The following SLC9C1 variants were observed in gnomAD, a reference collection of about 807,000 sequenced individuals.
The protein encoded by SLC9C1 is sodium/hydrogen exchanger 10.
Under a neutral mutation model 140.9 loss-of-function variants are expected in SLC9C1, and 97 were observed. The ratio of observed to expected loss-of-function variants is 0.69; its 90% CI spans 0.58 to 0.82. SLC9C1 has a LOEUF of 0.82. Ranked by LOEUF, SLC9C1 falls within the 40% of genes least tolerant of loss-of-function variation. The pLI is 0.00. For synonymous variants in SLC9C1, 440 were observed against 442.6 expected (o/e 0.99, Z 0.07); for missense variants, 1,340 against 1,389.3 (o/e 0.96, Z 0.56).
chr3:112,237,921 G>GACA (rs2079035544), intron 12 of SLC9C1, among the ~76,000 whole-genome samples: 1 of 152,022 alleles, frequency 6.6e-6, no homozygotes, highest in African/African-American at 2.4e-5. Context: ...CGGTGAATCT[G>GACA]ACAATTATGT....
At chr3:112,149,378 C>T (rs1030478309) in intron 28 of SLC9C1, among the ~76,000 whole-genome samples, 8 of 151,108 alleles carry the variant, frequency 5.3e-5, no homozygotes, top group Non-Finnish European at 1.0e-4. Context: ...AGGATCTCTG[C>T]ACAGAAAGGA....
chr3:112,169,093 A>T (rs753557816), intron 24 of SLC9C1, 31 bp from the exon 25 acceptor site: 91 of 1,575,272 alleles, frequency 5.8e-5, no homozygotes, highest in Middle Eastern at 3.4e-4. Flanking sequence ...TCAGTCTATT[A>T]TTAGTCTATG....
chr3:112,241,230 T>C, intron 11 of SLC9C1, among the ~76,000 whole-genome samples: 1 of 152,216 alleles, frequency 6.6e-6, no homozygotes, highest in East Asian at 1.9e-4. Context: ...ATGGATATCC[T>C]ATTCCCTATG....
At chr3:112,232,341 G>C (rs1182547812) in intron 12 of SLC9C1, among the ~76,000 whole-genome samples, 1 of 152,128 alleles carries the variant, frequency 6.6e-6, no homozygotes, top group African/African-American at 2.4e-5. Context: ...CAGAGAGTAG[G>C]TGAAAACTCA....
intron 7 of SLC9C1, among the ~76,000 whole-genome samples, chr3:112,267,574 T>TTA (rs2079954473): frequency 2.1e-4 from 1 of 4,704 alleles, no homozygotes; most frequent in Non-Finnish European, 4.6e-4. Flanking sequence ...AGACTCCGTC[T>TTA]CAAAAAAAAA....
At position 112,199,320 on chromosome 3, in the gene SLC9C1, C is replaced by A. The variant is rs775726158; in HGVS notation, c.2523+1G>T. 1 of 1,559,530 alleles carries A rather than the reference C, an allele frequency of 6.4e-7. No individual in the cohort carries two copies. Among genetic ancestry groups the A allele is most frequent in the South Asian group, 1.3e-5 (1 of 78,536 alleles). Reference sequence around the variant, plus strand: ...CTTGCTTTGAAAATATTTTGCCTTACCTTATTAATTCCAGCACCTTCAGTT... The same window carrying A: ...CTTGCTTTGAAAATATTTTGCCTTAACTTATTAATTCCAGCACCTTCAGTT... On this transcript the variant is annotated splice_donor_variant, in intron 20 of 28. Transcript: ENST00000305815. LOFTEE classifies it high-confidence loss of function.
chr3:112,237,745 G>T (rs1408603019), intron 12 of SLC9C1, among the ~76,000 whole-genome samples: 3 of 152,132 alleles, frequency 2.0e-5, no homozygotes, highest in African/African-American at 7.2e-5. Flanking sequence ...TCAAATTCTG[G>T]GTTGAAAATT....
chr3:112,200,529 C>T (rs976787857), intron 19 of SLC9C1, among the ~76,000 whole-genome samples, 182 bp downstream of exon 19: 13 of 151,962 alleles, frequency 8.6e-5, no homozygotes, highest in Non-Finnish European at 1.9e-4. Flanking sequence ...AAGTGTGAAG[C>T]GATATTACAC....
At chr3:112,159,396 T>C (rs1441520673) in intron 26 of SLC9C1, among the ~76,000 whole-genome samples, 1 of 152,076 alleles carries the variant, frequency 6.6e-6, no homozygotes, top group Non-Finnish European at 1.5e-5. Context: ...GATTGATTTC[T>C]AGTTTTATCC....
At chr3:112,236,583 C>T (rs1280419152) in intron 12 of SLC9C1, among the ~76,000 whole-genome samples, 1 of 137,190 alleles carries the variant, frequency 7.3e-6, no homozygotes, top group African/African-American at 2.7e-5. Context: ...TTAGATCTTT[C>T]CTGCTTTCTC....
intron 20 of SLC9C1, among the ~76,000 whole-genome samples, chr3:112,185,273 C>T (rs368439104): frequency 1.0e-3 from 150 of 150,304 alleles, no homozygotes; most frequent in Admixed American, 2.9e-3. Flanking sequence ...ATAATCATAT[C>T]ACAGGGGTAT....
intron 17 of SLC9C1, 99 bp from the exon 18 acceptor site, chr3:112,202,498 T>C: frequency 8.0e-7 from 1 of 1,249,422 alleles, no homozygotes; most frequent in Non-Finnish European, 1.1e-6. Flanking sequence ...AGAAATTAAG[T>C]GCCCTCAAAG....
At chr3:112,196,466 A>G (rs191703160) in intron 20 of SLC9C1, among the ~76,000 whole-genome samples, 127 of 152,074 alleles carry the variant, frequency 8.4e-4, no homozygotes, top group South Asian at 2.3e-3. Flanking sequence ...TTATTTTCTC[A>G]AATATTGTCT....
chr3:112,208,401 G>C (rs1175682856), intron 15 of SLC9C1, 28 bp from the exon 16 acceptor site: 1 of 1,411,892 alleles, frequency 7.1e-7, no homozygotes, highest in Non-Finnish European at 9.6e-7. Flanking sequence ...AGTTTTATCT[G>C]ATAAAAGGTT....
At chr3:112,189,297 C>G (rs1488115612) in intron 20 of SLC9C1, among the ~76,000 whole-genome samples, 1 of 152,160 alleles carries the variant, frequency 6.6e-6, no homozygotes, top group Non-Finnish European at 1.5e-5. Context: ...GTCATGAAGT[C>G]CTTGCCCATG....
At chr3:112,266,959 A>T (rs943586221) in intron 7 of SLC9C1, among the ~76,000 whole-genome samples, 1 of 152,170 alleles carries the variant, frequency 6.6e-6, no homozygotes, top group Admixed American at 6.6e-5. Context: ...CTCACACATT[A>T]ATTTCTCTAG....
In SLC9C1 at chr3:112,280,747, G is replaced by T; in HGVS notation, c.125C>A (p.Pro42His). 2 of 1,612,074 alleles carry T rather than the reference G, an allele frequency of 1.2e-6. No individual in the cohort carries two copies. Among genetic ancestry groups the T allele is most frequent in the South Asian group, 2.2e-5 (2 of 90,396 alleles). ...AAGTAAAAATAATATCACAGGGACA[G>T]GAATTGGAAAGTCTTCCAAGTGCCG... ...LNRHLEDFPI[P>H]VPVILFLLGC... The change falls in exon 3 of 29, where the codon CCT (proline) becomes CAT (histidine). Residue 42 changes from proline to histidine, a missense_variant. By Grantham distance (77) the Pro-to-His change is moderately conservative. Coordinates refer to ENST00000305815, the MANE Select transcript of SLC9C1 (RefSeq NM_183061.3).
chr3:112,217,619 TTG>T, intron 14 of SLC9C1, 58 bp from the exon 15 acceptor site: 1 of 1,462,544 alleles, frequency 6.8e-7, no homozygotes, highest in Non-Finnish European at 9.2e-7. Flanking sequence ...AAGTTTAATG[TTG>T]TACTGGAAGT....
Position 112,274,883 on chromosome 3 carries a change from A to T in SLC9C1, c.613+14T>A, listed in dbSNP as rs547231631. On this transcript the variant is annotated intron_variant, in intron 6 of 28. Coordinates refer to ENST00000305815, the MANE Select transcript of SLC9C1 (RefSeq NM_183061.3). The stretch of plus-strand genomic sequence containing the variant: ...ATTCTGATGTTGAGAAAAATTTTTT[A>T]AAAATATACTTACCTAAGGTATGGT... The T allele has an allele frequency of 2.8e-5, 43 of 1,528,576 alleles. No homozygotes were observed. The highest frequency in any genetic ancestry group is 4.7e-5 in the East Asian group (2 of 42,754). The allele number at this position is 1,528,576 out of a possible 1,614,324, so 94.7% of individuals were successfully genotyped here.
Sources: allele counts gnomAD v4.1 joint callset (sites outside exome capture counted in the v4.1 genomes callset), GRCh38; gene constraint gnomAD v4.1.1; transcripts MANE v1.5; gene names NCBI Gene and HGNC (gene_info 2026-07-23, HGNC 2026-07-21).